Variants in PLSCR2 observed in about 807,000 individuals in gnomAD.
The protein encoded by PLSCR2 is phospholipid scramblase 2, also known as PL scramblase 2.
A neutral mutation model predicts 25.3 loss-of-function variants in PLSCR2; 18 were observed. The observed-to-expected ratio is 0.71, with a 90% confidence interval of 0.49 to 1.06. The LOEUF (loss-of-function observed/expected upper bound fraction) is 1.06, where lower values mean the gene tolerates loss of function less well. Ranked by LOEUF, PLSCR2 falls within the 50% of genes least tolerant of loss-of-function variation. The pLI is 0.00. For missense variants in PLSCR2, 243 were observed against 269.5 expected (o/e 0.90, Z 0.69); for synonymous variants, 88 against 87.3 (o/e 1.01, Z -0.04).
chr3:146,459,797 CAGAAAG>C (rs755879643), intron 2 of PLSCR2, 45 bp downstream of exon 2: 16 of 1,315,622 alleles, frequency 1.2e-5, no homozygotes, highest in Admixed American at 8.1e-5. Context: ...GTTCATAAAC[CAGAAAG>C]AGAGTTTTTT....
downstream of PLSCR2, among the ~76,000 whole-genome samples, chr3:146,440,010 G>A (rs1049554079): frequency 6.6e-6 from 1 of 152,204 alleles, no homozygotes; most frequent in Non-Finnish European, 1.5e-5. Context: ...ACCTTTACCT[G>A]CAGGTCTGTT....
At chr3:146,414,654 A>G (rs2038956383) in intron 2 of PLSCR2, among the ~76,000 whole-genome samples, 1 of 152,190 alleles carries the variant, frequency 6.6e-6, no homozygotes, top group Non-Finnish European at 1.5e-5. Context: ...TCCACATAAA[A>G]GAAATACTCA....
At chr3:146,462,426 G>A (rs1300181695), upstream of PLSCR2, among the ~76,000 whole-genome samples, 1 of 151,420 alleles carries the variant, frequency 6.6e-6, no homozygotes, top group Non-Finnish European at 1.5e-5. Context: ...GTCAGCCCAC[G>A]ACGATGAACA....
upstream of PLSCR2, among the ~76,000 whole-genome samples, chr3:146,461,668 A>G (rs1210834263): frequency 6.6e-6 from 1 of 152,126 alleles, no homozygotes; most frequent in African/African-American, 2.4e-5. Context: ...GGAAAAGCAA[A>G]TGTAAAAACG....
At chr3:146,493,040 C>A (rs947422506) in intron 1 of PLSCR2, among the ~76,000 whole-genome samples, 30 of 151,760 alleles carry the variant, frequency 2.0e-4, no homozygotes, top group African/African-American at 6.8e-4. Flanking sequence ...TCTATGTACA[C>A]ATATTAGAAA....
chr3:146,441,693 A>G (rs2040253341), downstream of PLSCR2: 1 of 783,596 alleles, frequency 1.3e-6, no homozygotes, highest in South Asian at 1.7e-5. Flanking sequence ...AAAGAAAAAA[A>G]CACTGAATTT....
intron 1 of PLSCR2, among the ~76,000 whole-genome samples, chr3:146,466,360 G>A (rs986044883): frequency 1.7e-4 from 26 of 152,090 alleles, no homozygotes; most frequent in African/African-American, 5.1e-4. Context: ...TAGTAGAAAC[G>A]GGATTTTCCC....
chr3:146,460,352 T>A (rs964817926), exon 1 of PLSCR2: 1 of 367,118 alleles, frequency 2.7e-6, no homozygotes, highest in Non-Finnish European at 4.2e-6. Context: ...TATGCTTTTA[T>A]ACCTGTGAAA....
intron 2 of PLSCR2, chr3:146,401,295 T>C (rs2038467799): frequency 6.6e-6 from 1 of 152,516 alleles, no homozygotes; most frequent in African/African-American, 2.4e-5. Context: ...ATCCCAATGT[T>C]TAGACTTTAT....
downstream of PLSCR2, among the ~76,000 whole-genome samples, chr3:146,431,428 T>A (rs1256594505): frequency 6.6e-6 from 1 of 152,176 alleles, no homozygotes; most frequent in East Asian, 1.9e-4. Flanking sequence ...AGCACTGGCC[T>A]CTTAGTGAAT....
In PLSCR2 at chr3:146,460,250, G is replaced by A. The variant is rs1010430285; in HGVS notation, c.-258C>T. On this transcript the variant is annotated 5_prime_UTR_variant, in exon 1 of 7. Coordinates refer to ENST00000610787, the Ensembl canonical transcript of PLSCR2. ...AGATATGTTTTAATGAAATATCTGTGGTTTCACATTCACTTCTATTTTGAG... is the reference window on the plus strand; with the variant it reads ...AGATATGTTTTAATGAAATATCTGTAGTTTCACATTCACTTCTATTTTGAG... 10 of 1,360,218 alleles carry A rather than the reference G, an allele frequency of 7.4e-6. No homozygotes were observed. The African/African-American group carries it at 1.2e-4, about 16-fold the overall frequency. The allele number at this position is 1,360,218 out of a possible 1,614,324, so 84.3% of individuals were successfully genotyped here. A position where few individuals can be genotyped will look rare whatever the true frequency, so the allele number is the denominator to read the frequency against.
At chr3:146,483,427 TA>T (rs2043201401) in intron 1 of PLSCR2, among the ~76,000 whole-genome samples, 2 of 108,586 alleles carry the variant, frequency 1.8e-5, no homozygotes, top group Non-Finnish European at 3.7e-5. Flanking sequence ...AACTTAAACT[TA>T]ATATATATAT....
intron 1 of PLSCR2, among the ~76,000 whole-genome samples, chr3:146,483,664 C>T (rs898570463): frequency 6.6e-6 from 1 of 150,454 alleles, no homozygotes; most frequent in Non-Finnish European, 1.5e-5. Context: ...TGAAGTAAAC[C>T]CCTAGCAAAC....
At chr3:146,439,808 T>C (rs776804966), downstream of PLSCR2, among the ~76,000 whole-genome samples, 6 of 152,200 alleles carry the variant, frequency 3.9e-5, no homozygotes, top group Non-Finnish European at 5.9e-5. Flanking sequence ...CTTTGTTCCA[T>C]TGCTGGCGAG....
At chr3:146,449,337 C>T (rs1449513219) in exon 6 of PLSCR2, 3 of 1,588,194 alleles carry the variant, frequency 1.9e-6, no homozygotes, top group Non-Finnish European at 2.6e-6. Flanking sequence ...GAAATCCTGC[C>T]AACCACAATT....
intron 2 of PLSCR2, among the ~76,000 whole-genome samples, chr3:146,420,824 G>T (rs1473116391): frequency 6.6e-6 from 1 of 152,042 alleles, no homozygotes; most frequent in Non-Finnish European, 1.5e-5. Flanking sequence ...TTATAGGTTT[G>T]TTAATTCTAG....
intron 1 of PLSCR2, among the ~76,000 whole-genome samples, chr3:146,473,469 C>T (rs2042186599): frequency 3.3e-5 from 5 of 152,084 alleles, no homozygotes; most frequent in Admixed American, 3.3e-4. Context: ...CCACGCCTAA[C>T]TAATTTTTGT....
intron 8 of PLSCR2, among the ~76,000 whole-genome samples, chr3:146,434,822 G>A (rs1032944901): frequency 2.6e-5 from 4 of 151,846 alleles, no homozygotes; most frequent in Non-Finnish European, 5.9e-5. Flanking sequence ...TGCACAATGT[G>A]CAGGTTTGTT....
intron 2 of PLSCR2, among the ~76,000 whole-genome samples, chr3:146,413,792 C>T (rs2038925398): frequency 6.6e-6 from 1 of 152,186 alleles, no homozygotes; most frequent in Non-Finnish European, 1.5e-5. Context: ...CCTTAATTTT[C>T]CACTGATGGC....
Sources: gnomAD v4.1 joint callset for allele counts (sites outside exome capture counted in the v4.1 genomes callset) on GRCh38, gnomAD v4.1.1 for gene constraint, MANE v1.5 for transcripts, NCBI Gene and HGNC (gene_info 2026-07-23, HGNC 2026-07-21) for gene names.